Variants in PRRC1 observed in about 807,000 individuals in gnomAD.
PRRC1 encodes proline rich coiled-coil 1, also known as protein PRRC1.
Under a neutral mutation model 40.7 loss-of-function variants are expected in PRRC1, and 39 were observed. That is an observed-to-expected ratio of 0.96 (90% CI 0.74 to 1.25). The LOEUF (loss-of-function observed/expected upper bound fraction) is 1.25, where lower values mean the gene tolerates loss of function less well. Among genes scored for constraint, PRRC1 ranks in the 50% most tolerant of loss-of-function variants. The pLI, the probability that PRRC1 is intolerant of heterozygous loss-of-function variation, is 0.00. For synonymous variants in PRRC1, 175 were observed against 193.3 expected (o/e 0.91, Z 0.79); for missense variants, 573 against 548.3 (o/e 1.05, Z -0.45).
chr5:127,534,559 C>A (rs1159370068), intron 6 of PRRC1, among the ~76,000 whole-genome samples: 1 of 152,158 alleles, frequency 6.6e-6, no homozygotes, highest in Non-Finnish European at 1.5e-5. Flanking sequence ...GCTTTTTTCA[C>A]TTGATTTCTA....
chr5:127,547,615 T>C (rs1053710218), intron 7 of PRRC1, among the ~76,000 whole-genome samples: 8 of 150,832 alleles, frequency 5.3e-5, no homozygotes, highest in African/African-American at 1.7e-4. Context: ...TCTTTGTGGT[T>C]ATTGTCTTTT....
rs144711310 is a variant in PRRC1 at position 127,551,708 on chromosome 5, C to T, written c.1130C>T (p.Ala377Val). 8 of 1,613,892 alleles carry T rather than the reference C, an allele frequency of 5.0e-6. No individual in the cohort carries two copies. Among genetic ancestry groups the T allele is most frequent in the Non-Finnish European group, 6.8e-6 (8 of 1,179,836 alleles). Residue 377 changes from alanine (A) to valine (V), a missense_variant and splice_region_variant, in exon 9 of 9, where the codon GCT (alanine) becomes GTT (valine). Transcript: ENST00000296666. ...AATATCAATTTCATCTTTCCACAGGCTCAAAGTCTAACTCCCCAGGACTAT... is the reference window on the plus strand; with the variant it reads ...AATATCAATTTCATCTTTCCACAGGTTCAAAGTCTAACTCCCCAGGACTAT... The part of the protein sequence containing the change: ...TPVPLEFVQQ[A>V]QSLTPQDYNL...
At chr5:127,519,687 C>T (rs1392011882) in intron 1 of PRRC1, among the ~76,000 whole-genome samples, 1 of 152,204 alleles carries the variant, frequency 6.6e-6, no homozygotes, top group Non-Finnish European at 1.5e-5. Flanking sequence ...TCTCTTTTCT[C>T]TTGGTATTCT....
chr5:127,524,644 C>T lies in PRRC1; in HGVS notation c.217C>T (p.Pro73Ser). 6.2e-7 allele frequency: 1 copy of T among 1,614,146 alleles called. No homozygotes were observed. Among genetic ancestry groups the T allele is most frequent in the Non-Finnish European group, 8.5e-7 (1 of 1,180,020 alleles). ...LPPVRPSAPL[P>S]FVPPPAVPSV... ...TCCTGTGAGGCCTTCAGCACCATTA[C>T]CTTTTGTGCCTCCTCCTGCAGTTCC... The change falls in exon 3 of 9, where the codon CCT (proline) becomes TCT (serine). Residue 73 changes from proline (P) to serine (S), a missense_variant. Transcript: ENST00000296666.
At chr5:127,545,422 T>C (rs1214925163) in intron 7 of PRRC1, among the ~76,000 whole-genome samples, 1 of 151,894 alleles carries the variant, frequency 6.6e-6, no homozygotes, top group Non-Finnish European at 1.5e-5. Flanking sequence ...ATTAAGAAAA[T>C]GTGGTACATA....
chr5:127,543,933 G>T (rs1165056760), intron 7 of PRRC1, among the ~76,000 whole-genome samples: 1 of 152,104 alleles, frequency 6.6e-6, no homozygotes, highest in East Asian at 1.9e-4. Context: ...CGTTCCTTTG[G>T]AGGAGGAGAG....
Position 127,554,222 on chromosome 5 carries a change from C to T in PRRC1, c.*2306C>T, listed in dbSNP as rs1768468855. ...ACAGTTTCCTTCACTAATCGTCCAG[C>T]TTGAGTGTTCTGTTCTCTTCCTGCC... On this transcript the variant is annotated 3_prime_UTR_variant, in exon 9 of 9. Transcript: ENST00000296666. The T allele has an allele frequency of 1.0e-5, 2 of 193,460 alleles. No individual in the cohort carries two copies. Among genetic ancestry groups the T allele is most frequent in the African/African-American group, 2.4e-5 (1 of 42,356 alleles). 12.0% of individuals were successfully genotyped at this position (193,460 alleles called of 1,614,324 possible).
At chr5:127,541,179 T>G (rs1396189042) in intron 7 of PRRC1, among the ~76,000 whole-genome samples, 1 of 152,206 alleles carries the variant, frequency 6.6e-6, no homozygotes, top group Non-Finnish European at 1.5e-5. Context: ...TTACATTTAT[T>G]GATTTTGTGT....
chr5:127,523,591 A>T lies in PRRC1; in HGVS notation c.103+9A>T. Reference sequence around the variant, plus strand: ...TACCCCTGTTCCATTAGGTACATGTAGTTGTCTAACATCTCGTGTGTTTTG... The same window carrying T: ...TACCCCTGTTCCATTAGGTACATGTTGTTGTCTAACATCTCGTGTGTTTTG... On this transcript the variant is annotated intron_variant, in intron 2 of 8. Transcript: ENST00000296666. 1 of 1,546,302 alleles carries T rather than the reference A, an allele frequency of 6.5e-7. No homozygotes were observed. The highest frequency in any genetic ancestry group is 8.8e-7 in the Non-Finnish European group (1 of 1,132,908).
intron 1 of PRRC1, among the ~76,000 whole-genome samples, chr5:127,522,112 C>T (rs1005458481): frequency 7.2e-5 from 11 of 152,096 alleles, no homozygotes; most frequent in South Asian, 4.2e-4. Flanking sequence ...AGTTGACCTT[C>T]GCTAAAAACT....
chr5:127,531,723 A>C (rs1468655076), intron 5 of PRRC1, among the ~76,000 whole-genome samples: 3 of 147,128 alleles, frequency 2.0e-5, no homozygotes, highest in African/African-American at 7.7e-5. Context: ...CCTGGGTTCA[A>C]GTTATTCTTA....
intron 7 of PRRC1, 81 bp from the exon 8 acceptor site, chr5:127,547,738 G>C (rs1214506366): frequency 5.7e-6 from 5 of 884,846 alleles, no homozygotes; most frequent in Non-Finnish European, 7.2e-6. Flanking sequence ...CTGAATAATA[G>C]TACTTGTTTT....
In PRRC1 at chr5:127,547,639, TAA is replaced by T. The variant is rs542496891; in HGVS notation, c.1026-179_1026-178del. ...TTATTGTCTTTTTTCCTCTTAGAAT[TAA>T]TACAGAGTAATTTTATCTGTTGTTT... On this transcript the variant is annotated intron_variant, in intron 7 of 8. Coordinates refer to ENST00000296666, the MANE Select transcript of PRRC1 (RefSeq NM_130809.5). 5.4e-4 allele frequency among the ~76,000 whole-genome samples: 73 copies of T among 136,148 alleles called. 1 individual carries two copies. Among genetic ancestry groups the T allele is most frequent in the African/African-American group, 1.7e-3 (67 of 38,708 alleles). The allele number at this position is 136,148 out of a possible 152,430, so 89.3% of individuals were successfully genotyped here.
chr5:127,524,952 CTATT>C (rs1767579879), intron 3 of PRRC1, 32 bp downstream of exon 3: 1 of 1,520,786 alleles, frequency 6.6e-7, no homozygotes, highest in African/African-American at 1.4e-5. Context: ...AAATACATGG[CTATT>C]AATTAATGTT....
intron 4 of PRRC1, among the ~76,000 whole-genome samples, chr5:127,529,518 A>G (rs1202828910): frequency 6.6e-6 from 1 of 152,124 alleles, no homozygotes. Context: ...TTAAATTTCA[A>G]TTTTATGAAC....
rs747738559 is a variant in PRRC1, at chr5:127,524,846, A to T, written c.419A>T (p.Asp140Val). 6.2e-7 allele frequency: 1 copy of T among 1,614,152 alleles called. No homozygotes were observed. The highest frequency in any genetic ancestry group is 8.5e-7 in the Non-Finnish European group (1 of 1,180,020). The change falls in exon 3 of 9, where the codon GAC becomes GTC. Residue 140 changes from aspartate (D) to valine (V), a missense_variant. By Grantham distance (152) the Asp-to-Val change is radical. Coordinates refer to ENST00000296666, the MANE Select transcript of PRRC1 (RefSeq NM_130809.5). ...ISGFSVGSTYDITRGHAGRAP... is the reference protein window; with the variant it reads ...ISGFSVGSTYVITRGHAGRAP... ...GGATTTTCTGTTGGTTCAACTTATG[A>T]CATTACAAGGGGACATGCTGGGAGA...
chr5:127,552,307 T>C lies in PRRC1; in HGVS notation c.*391T>C, dbSNP rs1768414899. 1.9e-6 allele frequency: 2 copies of C among 1,031,096 alleles called. No individual in the cohort carries two copies. Among genetic ancestry groups the C allele is most frequent in the Non-Finnish European group, 2.3e-6 (2 of 856,554 alleles). 63.9% of individuals were successfully genotyped at this position (1,031,096 alleles called of 1,614,324 possible). A position where few individuals can be genotyped will look rare whatever the true frequency, so the allele number is the denominator to read the frequency against. On this transcript the variant is annotated 3_prime_UTR_variant, in exon 9 of 9. Transcript: ENST00000296666. ...TGTTGGTTGAATGTTTATAAAAGCATGATTTGCTTTGGCTTCATCTCTTTT... is the reference window on the plus strand; with the variant it reads ...TGTTGGTTGAATGTTTATAAAAGCACGATTTGCTTTGGCTTCATCTCTTTT...
Position 127,524,733 on chromosome 5 carries a change from C to T in PRRC1, c.306C>T (p.Phe102=), listed in dbSNP as rs751370940. 14 of 1,614,008 alleles carry T rather than the reference C, an allele frequency of 8.7e-6. No homozygotes were observed. In the East Asian group the frequency reaches 8.9e-5, roughly 10 times the overall value. Residue 102 remains phenylalanine, a synonymous_variant, in exon 3 of 9, where the codon TTC becomes TTT. Coordinates refer to ENST00000296666, the MANE Select transcript of PRRC1 (RefSeq NM_130809.5). ...PPVSPSTAAA[F]GNPPVSHFPP... ...TTTCTCCATCAACTGCTGCTGCCTT[C>T]GGTAATCCTCCTGTATCTCACTTCC...
At position 127,554,608 on chromosome 5, in the gene PRRC1, C is replaced by A. The variant is rs1161447428; in HGVS notation, c.*2692C>A. 1 of 152,306 alleles carries A rather than the reference C, an allele frequency of 6.6e-6. No homozygotes were observed. 9.4% of individuals were successfully genotyped at this position (152,306 alleles called of 1,614,324 possible). ...TAGACCTAAACTGTGTCACAGACTT[C>A]TGAATGTTTAGGCAGTGCTAGTAAT... is the stretch of plus-strand genomic sequence containing the variant. On this transcript the variant is annotated 3_prime_UTR_variant, in exon 9 of 9. Coordinates refer to ENST00000296666, the MANE Select transcript of PRRC1 (RefSeq NM_130809.5).
Sources: gnomAD v4.1 joint callset for allele counts (sites outside exome capture counted in the v4.1 genomes callset) on GRCh38, gnomAD v4.1.1 for gene constraint, MANE v1.5 for transcripts, NCBI Gene and HGNC (gene_info 2026-07-23, HGNC 2026-07-21) for gene names.